ADAM12: variants seen among roughly 807,000 people sequenced by gnomAD.
ADAM12 encodes the protein ADAM metallopeptidase domain 12.
ADAM12 carries 70 observed loss-of-function variants against 106.4 expected under a neutral mutation model. The observed-to-expected ratio is 0.66, with a 90% CI of 0.54 to 0.80. The LOEUF is 0.80. Ranked by LOEUF, ADAM12 falls within the 30% of genes least tolerant of loss-of-function variation. ADAM12 has a pLI of 0.00. For synonymous variants in ADAM12, 420 were observed against 433.5 expected, an observed-to-expected ratio of 0.97 and a Z score of 0.39; for missense variants, 1,010 against 1,171.9, an observed-to-expected ratio of 0.86 and a Z score of 2.02.
At chr10:126,058,699 C>T (rs1264035811) in intron 14 of ADAM12, among the ~76,000 whole-genome samples, 3 of 152,182 alleles carry the variant, frequency 2.0e-5, no homozygotes, top group Non-Finnish European at 4.4e-5. Flanking sequence ...ACCTGCTGAT[C>T]CCGGTCAGGA....
intron 3 of ADAM12, among the ~76,000 whole-genome samples, chr10:126,271,931 A>T (rs1416415717): frequency 6.6e-6 from 1 of 152,310 alleles, no homozygotes; most frequent in East Asian, 1.9e-4. Context: ...CATCAGTACA[A>T]AGACCTTCTA....
chr10:126,374,413 A>G lies in ADAM12; in HGVS notation c.88+13645T>C, dbSNP rs557359502. On this transcript the variant is annotated intron_variant, in intron 1 of 22. Transcript: ENST00000448723. ...TTTAAATAATAACCTGAAATGGATA[A>G]CAATATATAAATCCCAAATTATTAA... is the stretch of plus-strand genomic sequence containing the variant. Among the ~76,000 whole-genome samples, 3 of 152,354 alleles carry G rather than the reference A, an allele frequency of 2.0e-5. No individual in the cohort carries two copies. The East Asian group carries it at 5.8e-4, about 29-fold the overall frequency.
intron 3 of ADAM12, among the ~76,000 whole-genome samples, chr10:126,198,815 T>A (rs2930123): frequency 0.11 from 17,039 of 152,276 alleles, 1,931 homozygotes; most frequent in African/African-American, 0.29. Context: ...TATTTATGAA[T>A]ATACTGTTAC....
At chr10:126,255,783 C>T (rs1671831387) in intron 3 of ADAM12, among the ~76,000 whole-genome samples, 1 of 152,154 alleles carries the variant, frequency 6.6e-6, no homozygotes, top group African/African-American at 2.4e-5. Context: ...GCTAACTGGC[C>T]CCATTGCAGC....
At chr10:126,153,515 T>C (rs1956764095) in intron 4 of ADAM12, among the ~76,000 whole-genome samples, 1 of 152,216 alleles carries the variant, frequency 6.6e-6, no homozygotes, top group African/African-American at 2.4e-5. Context: ...TTAAATTTTA[T>C]GTATTTTCAT....
intron 20 of ADAM12, among the ~76,000 whole-genome samples, chr10:126,037,303 T>C (rs1057048672): frequency 1.4e-5 from 2 of 143,426 alleles, no homozygotes; most frequent in African/African-American, 2.6e-5. Flanking sequence ...TTTTTTTTAA[T>C]AGAGCTGCAT....
At chr10:126,210,775 C>T (rs890040328) in intron 3 of ADAM12, among the ~76,000 whole-genome samples, 14 of 152,064 alleles carry the variant, frequency 9.2e-5, no homozygotes, top group African/African-American at 3.1e-4. Flanking sequence ...GCTGGGTTGA[C>T]CCAGAAGTGG....
At chr10:126,103,555 T>C (rs1955707434) in intron 8 of ADAM12, among the ~76,000 whole-genome samples, 1 of 152,204 alleles carries the variant, frequency 6.6e-6, no homozygotes, top group South Asian at 2.1e-4. Context: ...TGACTTAAGA[T>C]TGCAACTCCA....
At chr10:126,141,376 T>A (rs965015538) in intron 4 of ADAM12, among the ~76,000 whole-genome samples, 1 of 152,186 alleles carries the variant, frequency 6.6e-6, no homozygotes, top group Non-Finnish European at 1.5e-5. Context: ...CTTTGCCTAG[T>A]TCTGCTGATC....
chr10:126,331,842 G>A (rs1183613422), intron 1 of ADAM12, among the ~76,000 whole-genome samples: 1 of 152,174 alleles, frequency 6.6e-6, no homozygotes, highest in Non-Finnish European at 1.5e-5. Flanking sequence ...GCAAGTGGAG[G>A]TGCTGGCTCT....
At chr10:126,199,504 C>T (rs940424864) in intron 3 of ADAM12, among the ~76,000 whole-genome samples, 14 of 152,130 alleles carry the variant, frequency 9.2e-5, no homozygotes, top group African/African-American at 2.2e-4. Context: ...GGGATTCTAC[C>T]GCAGAAACGC....
At chr10:126,341,400 G>A (rs2133869504) in intron 1 of ADAM12, among the ~76,000 whole-genome samples, 1 of 152,194 alleles carries the variant, frequency 6.6e-6, no homozygotes, top group Non-Finnish European at 1.5e-5. Context: ...TGATCATGAT[G>A]AGACAGGAAT....
intron 8 of ADAM12, among the ~76,000 whole-genome samples, chr10:126,108,353 C>A (rs189078337): frequency 1.3e-5 from 2 of 152,056 alleles, no homozygotes; most frequent in African/African-American, 2.4e-5. Flanking sequence ...TCCACCTGAC[C>A]GGAAGAGAGC....
chr10:126,231,145 G>A (rs1017923259), intron 3 of ADAM12, among the ~76,000 whole-genome samples: 1 of 152,046 alleles, frequency 6.6e-6, no homozygotes, highest in African/African-American at 2.4e-5. Flanking sequence ...ATATATTCTT[G>A]TACTTTAATA....
chr10:126,344,539 G>GT (rs1447727608), intron 1 of ADAM12, among the ~76,000 whole-genome samples: 7 of 152,166 alleles, frequency 4.6e-5, no homozygotes, highest in African/African-American at 1.2e-4. Context: ...CTTTAAAGTA[G>GT]TTTTTTCCAA....
intron 18 of ADAM12, 85 bp from the exon 19 acceptor site, chr10:126,039,514 T>C (rs1954122599): frequency 6.5e-7 from 1 of 1,536,866 alleles, no homozygotes; most frequent in East Asian, 2.3e-5. Context: ...TATGGCAAAG[T>C]GAACTCTGAA....
At chr10:126,094,461 A>G (rs1389004837) in intron 10 of ADAM12, among the ~76,000 whole-genome samples, 1 of 152,170 alleles carries the variant, frequency 6.6e-6, no homozygotes, top group Non-Finnish European at 1.5e-5. Flanking sequence ...CTTCCATTGA[A>G]TGAAGCAAAA....
At chr10:126,083,747 T>C (rs545296531) in intron 11 of ADAM12, among the ~76,000 whole-genome samples, 1 of 152,328 alleles carries the variant, frequency 6.6e-6, no homozygotes, top group East Asian at 1.9e-4. Context: ...AAAAGCCTCG[T>C]GACTCCTCCT....
intron 3 of ADAM12, among the ~76,000 whole-genome samples, chr10:126,248,379 G>A (rs1197958211): frequency 6.6e-6 from 1 of 152,070 alleles, no homozygotes; most frequent in East Asian, 1.9e-4. Flanking sequence ...CTCTCCTTAG[G>A]CTTCTGACTC....
Sources: gnomAD v4.1 joint callset for allele counts (sites outside exome capture counted in the v4.1 genomes callset) on GRCh38, gnomAD v4.1.1 for gene constraint, MANE v1.5 for transcripts, NCBI Gene and HGNC (gene_info 2026-07-23, HGNC 2026-07-21) for gene names.